DPYS: variants seen among roughly 807,000 people sequenced by gnomAD.
DPYS encodes dihydropyrimidine amidohydrolase.
A neutral mutation model predicts 50.3 loss-of-function variants in DPYS; 39 were observed. That is an observed-to-expected ratio of 0.78 (90% CI 0.60 to 1.01). The LOEUF (loss-of-function observed/expected upper bound fraction) is 1.01. Ranked by LOEUF, DPYS falls within the 50% of genes least tolerant of loss-of-function variation. The pLI is 0.00. For missense variants in DPYS, 659 were observed against 680.9 expected (o/e 0.97, Z 0.36); for synonymous variants, 245 against 250.7 (o/e 0.98, Z 0.22).
At position 104,382,308 on chromosome 8, in the gene DPYS, G is replaced by C. The variant is rs115664742; in HGVS notation, c.1444-994C>G. On this transcript the variant is annotated intron_variant, in intron 8 of 9. Transcript: ENST00000351513. ...GGGACTCCTGCCCTTCCCTCACCAG[G>C]CCAAGCCTCTGCTCACTTTCTGTAT... 5.2e-3 allele frequency among the ~76,000 whole-genome samples: 796 copies of C among 152,214 alleles called. 10 individuals are homozygous for C. The highest frequency in any genetic ancestry group is 0.018 in the African/African-American group (768 of 41,534).
chr8:104,448,879 G>C (rs1234742261), intron 2 of DPYS, among the ~76,000 whole-genome samples: 1 of 152,080 alleles, frequency 6.6e-6, no homozygotes, highest in Non-Finnish European at 1.5e-5. Flanking sequence ...CCCTTTTCTT[G>C]ATGGTGCTTA....
At chr8:104,435,473 G>A (rs894537864) in intron 4 of DPYS, among the ~76,000 whole-genome samples, 1 of 151,484 alleles carries the variant, frequency 6.6e-6, no homozygotes, top group African/African-American at 2.4e-5. Context: ...TATTAGGCTG[G>A]TGCAAAAGTA....
intron 7 of DPYS, among the ~76,000 whole-genome samples, chr8:104,397,142 G>A (rs1449663136): frequency 1.3e-5 from 2 of 152,052 alleles, no homozygotes; most frequent in Non-Finnish European, 2.9e-5. Context: ...TTCCCTAAAG[G>A]CCCTCCTCAC....
intron 7 of DPYS, among the ~76,000 whole-genome samples, chr8:104,399,470 C>A (rs566247603): frequency 5.9e-5 from 9 of 152,184 alleles, no homozygotes; most frequent in Non-Finnish European, 8.8e-5. Flanking sequence ...GGGCCCCACA[C>A]ACTATCCCAT....
At chr8:104,460,034 G>A (rs1321171386) in intron 1 of DPYS, among the ~76,000 whole-genome samples, 1 of 152,032 alleles carries the variant, frequency 6.6e-6, no homozygotes, top group Non-Finnish European at 1.5e-5. Context: ...TCCTATATAT[G>A]TATGTGAATT....
In DPYS at chr8:104,379,968, T is replaced by G. The variant is rs1215895514; in HGVS notation, c.*15-125A>C. On this transcript the variant is annotated intron_variant, in intron 9 of 9. Coordinates refer to ENST00000351513, the MANE Select transcript of DPYS (RefSeq NM_001385.3). The stretch of plus-strand genomic sequence containing the variant: ...ACTAATCCTGCTCCTATAAATGTCA[T>G]TAATAGCATGTTATAGCATTGAATC... 4 of 363,668 alleles carry G rather than the reference T, an allele frequency of 1.1e-5. No individual in the cohort carries two copies. The Admixed American group carries it at 1.3e-4, about 12-fold the overall frequency. The allele number at this position is 363,668 out of a possible 1,614,324, so 22.5% of individuals were successfully genotyped here. A position where few individuals can be genotyped will look rare whatever the true frequency, so the allele number is the denominator to read the frequency against.
intron 4 of DPYS, among the ~76,000 whole-genome samples, chr8:104,435,071 G>C (rs182926301): frequency 6.6e-6 from 1 of 152,178 alleles, no homozygotes; most frequent in Non-Finnish European, 1.5e-5. Flanking sequence ...CTACTGGGAA[G>C]TACAAAGGTG....
chr8:104,409,884 C>T (rs569281731), intron 7 of DPYS, among the ~76,000 whole-genome samples: 1 of 152,272 alleles, frequency 6.6e-6, no homozygotes, highest in South Asian at 2.1e-4. Context: ...CCAGTACTGG[C>T]ACAGTTAAGA....
chr8:104,464,028 T>C (rs184038488), intron 1 of DPYS, among the ~76,000 whole-genome samples: 34 of 152,318 alleles, frequency 2.2e-4, no homozygotes, highest in African/African-American at 7.2e-4. Context: ...CACAGCCCCT[T>C]TGTAAGTACT....
At chr8:104,463,823 TTA>T (rs1338172544) in intron 1 of DPYS, among the ~76,000 whole-genome samples, 3 of 152,248 alleles carry the variant, frequency 2.0e-5, no homozygotes, top group African/African-American at 7.2e-5. Flanking sequence ...GCTTTGGGGA[TTA>T]TTGCAAAGGC....
chr8:104,420,821 G>A (rs1812516763), intron 7 of DPYS: 1 of 151,832 alleles, frequency 6.6e-6, no homozygotes, highest in Admixed American at 6.6e-5. Flanking sequence ...GATCACCACA[G>A]GCAAAATAGC....
Position 104,424,297 on chromosome 8 carries a change from T to C in DPYS, c.1185A>G (p.Ile395Met), listed in dbSNP as rs1489848253. The C allele has an allele frequency of 6.2e-7, 1 of 1,614,060 alleles. No homozygotes were observed. The highest frequency in any genetic ancestry group is 1.7e-5 in the Admixed American group (1 of 60,014). ...IFNLYPRKGR[I>M]AVGSDADIVI... ...CAATGTCAGCATCTGATCCTACAGC[T>C]ATTCTTCCTTTTCTTGGATAGAGAT... The change falls in exon 7 of 10, where the codon ATA becomes ATG. Residue 395 changes from isoleucine to methionine, a missense_variant. Ile to Met is a conservative substitution (Grantham distance 10). Transcript: ENST00000351513.
At position 104,385,177 on chromosome 8, in the gene DPYS, C is replaced by T. The variant is rs192581375; in HGVS notation, c.1444-3863G>A. ...TGCTCAAACACAACTATAACTTAAGCACCATGAACCACAGTTTGAAACAAG... is the reference window on the plus strand; with the variant it reads ...TGCTCAAACACAACTATAACTTAAGTACCATGAACCACAGTTTGAAACAAG... On this transcript the variant is annotated intron_variant, in intron 8 of 9. Coordinates refer to ENST00000351513, the MANE Select transcript of DPYS (RefSeq NM_001385.3). Among the ~76,000 whole-genome samples the T allele has an allele frequency of 1.3e-4, 20 of 152,286 alleles. No individual in the cohort carries two copies. In the East Asian group the frequency reaches 3.9e-3, roughly 29 times the overall value.
In DPYS at chr8:104,413,700, T is replaced by A. The variant is rs146723074; in HGVS notation, c.1235+10547A>T. On this transcript the variant is annotated intron_variant, in intron 7 of 9. Coordinates refer to ENST00000351513, the MANE Select transcript of DPYS (RefSeq NM_001385.3). Reference sequence around the variant, plus strand: ...GGTAAGATATTCAAACCTCATGCAATTGCTCACAATTACTGTTTTGGATGT... The same window carrying A: ...GGTAAGATATTCAAACCTCATGCAAATGCTCACAATTACTGTTTTGGATGT... Among the ~76,000 whole-genome samples the A allele has an allele frequency of 2.6e-3, 393 of 152,346 alleles. 2 individuals are homozygous for A. The highest frequency in any genetic ancestry group is 0.017 in the Middle Eastern group (5 of 294).
At chr8:104,444,071 G>C (rs956567189) in intron 4 of DPYS, among the ~76,000 whole-genome samples, 177 bp downstream of exon 4, 1 of 152,160 alleles carries the variant, frequency 6.6e-6, no homozygotes, top group African/African-American at 2.4e-5. Flanking sequence ...ATGAACAAAA[G>C]TGGTGGAAAA....
rs570660871 is a variant in DPYS, at chr8:104,445,841, C to G, written c.604-1404G>C. On this transcript the variant is annotated intron_variant, in intron 3 of 9. Transcript: ENST00000351513. ...TGGGCAGATCACAAGGTCAGGAGATCGAGACCATCCTGGCTAACACGGGGA... is the reference window on the plus strand; with the variant it reads ...TGGGCAGATCACAAGGTCAGGAGATGGAGACCATCCTGGCTAACACGGGGA... Among the ~76,000 whole-genome samples the G allele has an allele frequency of 1.5e-3, 224 of 152,144 alleles. 1 individual carries two copies. The highest frequency in any genetic ancestry group is 4.6e-3 in the African/African-American group (190 of 41,498).
intron 8 of DPYS, among the ~76,000 whole-genome samples, chr8:104,388,471 G>A (rs957336465): frequency 3.9e-5 from 6 of 152,230 alleles, no homozygotes; most frequent in East Asian, 1.9e-4. Flanking sequence ...TTCAAGAAAC[G>A]TAATCCATTT....
chr8:104,438,530 A>G (rs1439305405), intron 4 of DPYS, among the ~76,000 whole-genome samples: 1 of 152,150 alleles, frequency 6.6e-6, no homozygotes, highest in Non-Finnish European at 1.5e-5. Flanking sequence ...TTTGAATAAC[A>G]CTAACTTGCA....
chr8:104,441,037 G>A (rs1161937150), intron 4 of DPYS, among the ~76,000 whole-genome samples: 2 of 152,178 alleles, frequency 1.3e-5, no homozygotes. Flanking sequence ...GCTGGGCACA[G>A]TTTATGTCCA....
Sources: gnomAD v4.1 joint callset for allele counts (sites outside exome capture counted in the v4.1 genomes callset) on GRCh38, gnomAD v4.1.1 for gene constraint, MANE v1.5 for transcripts, NCBI Gene and HGNC (gene_info 2026-07-23, HGNC 2026-07-21) for gene names.